The following DNAH12 variants were observed in gnomAD, a reference collection of about 807,000 sequenced individuals.
DNAH12 encodes the protein dynein axonemal heavy chain 12, also known as axonemal beta dynein heavy chain 12.
Under a neutral mutation model 371.5 loss-of-function variants are expected in DNAH12, and 285 were observed. The ratio of observed to expected loss-of-function variants is 0.77; its 90% CI spans 0.70 to 0.85. The LOEUF is 0.85. DNAH12 is among the 40% of genes least tolerant of loss of function. The pLI, the probability that DNAH12 is intolerant of heterozygous loss-of-function variation, is 0.00. For missense variants in DNAH12, 3,611 were observed against 3,689.4 expected (o/e 0.98, Z 0.55); for synonymous variants, 1,200 against 1,213.0 (o/e 0.99, Z 0.22).
chr3:57,526,032 G>A (rs1428456401), intron 2 of DNAH12, among the ~76,000 whole-genome samples: 2 of 151,896 alleles, frequency 1.3e-5, no homozygotes, highest in Non-Finnish European at 2.9e-5. Flanking sequence ...CAAAGTGCTG[G>A]GATTACAGGT....
In DNAH12 at chr3:57,450,346, T is replaced by C. The variant is rs557665690; in HGVS notation, c.3786+2497A>G. Among the ~76,000 whole-genome samples the C allele has an allele frequency of 2.7e-5, 4 of 149,784 alleles. No homozygotes were observed. In the East Asian group the frequency reaches 8.0e-4, roughly 30 times the overall value. Reference sequence around the variant, plus strand: ...GGCAGATCACCTGAGGTAGGGAGTTTGAGACCAGCCTACATAACATGGAGA... The same window carrying C: ...GGCAGATCACCTGAGGTAGGGAGTTCGAGACCAGCCTACATAACATGGAGA... On this transcript the variant is annotated intron_variant, in intron 25 of 73. Transcript: ENST00000495027.
In DNAH12 at chr3:57,301,844, C is replaced by G. The variant is rs866343301; in HGVS notation, c.11285G>C (p.Ser3762Thr). 1 of 1,551,610 alleles carries G rather than the reference C, an allele frequency of 6.4e-7. No individual in the cohort carries two copies. The highest frequency in any genetic ancestry group is 2.4e-5 in the East Asian group (1 of 40,912). ...MDSALEALSG[S>T]LLVGKVPEIW... ...TTCTGGAACCTTTCCAACAAGTAAG[C>G]TACCGGAGAGTGCCTCCAATGCAGA... Residue 3762 changes from serine to threonine, a missense_variant, in exon 70 of 74, where the codon AGC becomes ACC. Ser to Thr is a moderately conservative substitution (Grantham distance 58, BLOSUM62 1). Transcript: ENST00000495027.
At position 57,413,924 on chromosome 3, in the gene DNAH12, A is replaced by C; in HGVS notation, c.5854-12T>G. ...GCCATGATAATGTTCTAAAATATGA[A>C]GGAAGAATGGTATATTTACCTATAA... On this transcript the variant is annotated splice_polypyrimidine_tract_variant and intron_variant, in intron 38 of 73. Coordinates refer to ENST00000495027, the MANE Select transcript of DNAH12 (RefSeq NM_001366028.2). The C allele has an allele frequency of 6.5e-7, 1 of 1,547,718 alleles. No homozygotes were observed. The highest frequency in any genetic ancestry group is 2.0e-5 in the Admixed American group (1 of 50,446).
intron 11 of DNAH12, among the ~76,000 whole-genome samples, chr3:57,500,448 G>A (rs1295749213): frequency 6.6e-6 from 1 of 152,178 alleles, no homozygotes; most frequent in Non-Finnish European, 1.5e-5. Flanking sequence ...ATTTTCCCAT[G>A]TGGCTCCAAC....
intron 43 of DNAH12, among the ~76,000 whole-genome samples, chr3:57,401,237 T>C (rs917914275): frequency 0.011 from 1,629 of 151,964 alleles, 30 homozygotes; most frequent in African/African-American, 0.037. Context: ...GGGAAGTTTG[T>C]AGCTGTAAAT....
intron 50 of DNAH12, among the ~76,000 whole-genome samples, chr3:57,381,633 C>T (rs2063392811): frequency 6.6e-6 from 1 of 151,882 alleles, no homozygotes; most frequent in African/African-American, 2.4e-5. Flanking sequence ...ATGTTAAATA[C>T]CTTAACCAAG....
intron 12 of DNAH12, among the ~76,000 whole-genome samples, chr3:57,487,315 G>C (rs950896472): frequency 9.3e-6 from 1 of 107,970 alleles, no homozygotes; most frequent in African/African-American, 4.2e-5. Context: ...AAGGGAGAGA[G>C]AGAGAGAAAG....
At chr3:57,417,645 T>A (rs558780329) in intron 37 of DNAH12, among the ~76,000 whole-genome samples, 29 of 152,304 alleles carry the variant, frequency 1.9e-4, no homozygotes, top group Middle Eastern at 3.4e-3. Context: ...TGTGTCTTTG[T>A]CACCAGTAGA....
intron 73 of DNAH12, among the ~76,000 whole-genome samples, chr3:57,294,931 T>C (rs2061202102): frequency 1.3e-5 from 2 of 152,122 alleles, no homozygotes; most frequent in African/African-American, 2.4e-5. Context: ...TTTTAAGAAA[T>C]TGTTGTTATT....
At chr3:57,424,927 G>A in intron 35 of DNAH12, 95 bp downstream of exon 35, 1 of 586,334 alleles carries the variant, frequency 1.7e-6, no homozygotes, top group Non-Finnish European at 3.1e-6. Flanking sequence ...CCAAAAAATA[G>A]CTTTGGATCT....
chr3:57,449,479 G>A (rs1355885272), intron 25 of DNAH12, among the ~76,000 whole-genome samples: 2 of 152,192 alleles, frequency 1.3e-5, no homozygotes, highest in Non-Finnish European at 2.9e-5. Context: ...TGCAGGTCCC[G>A]AGCCATGCCC....
At chr3:57,315,200 G>A (rs1168555859) in intron 65 of DNAH12, among the ~76,000 whole-genome samples, 1 of 151,724 alleles carries the variant, frequency 6.6e-6, no homozygotes, top group Non-Finnish European at 1.5e-5. Context: ...AGTCTTTAAG[G>A]TCCCCCCCAA....
intron 62 of DNAH12, among the ~76,000 whole-genome samples, chr3:57,331,908 TC>T (rs1189824471): frequency 1.3e-5 from 2 of 152,084 alleles, no homozygotes; most frequent in Admixed American, 6.5e-5. Context: ...CCCTGCCATC[TC>T]CCAGGTGGTA....
chr3:57,329,149 T>G (rs78242709), intron 62 of DNAH12, among the ~76,000 whole-genome samples: 1 of 138,568 alleles, frequency 7.2e-6, no homozygotes, highest in Admixed American at 7.1e-5. Flanking sequence ...AGGTAATTTA[T>G]AGATTCAATG....
intron 30 of DNAH12, among the ~76,000 whole-genome samples, chr3:57,434,896 C>T (rs1018779780): frequency 6.6e-6 from 1 of 151,938 alleles, no homozygotes; most frequent in Non-Finnish European, 1.5e-5. Flanking sequence ...AGTTTGCAAG[C>T]AGGAATGAAA....
intron 62 of DNAH12, 113 bp downstream of exon 62, chr3:57,334,352 T>C (rs2062174521): frequency 8.5e-7 from 1 of 1,181,518 alleles, no homozygotes; most frequent in South Asian, 2.0e-5. Flanking sequence ...CAATGAACTG[T>C]AAGCTGGATA....
intron 57 of DNAH12, among the ~76,000 whole-genome samples, chr3:57,364,751 G>A (rs985668834): frequency 6.6e-6 from 1 of 152,054 alleles, no homozygotes; most frequent in African/African-American, 2.4e-5. Context: ...AATCTACAAA[G>A]AACTTAAACA....
intron 65 of DNAH12, among the ~76,000 whole-genome samples, chr3:57,318,802 G>T (rs948927944): frequency 2.6e-5 from 4 of 151,754 alleles, no homozygotes; most frequent in Admixed American, 2.0e-4. Flanking sequence ...TTGAAATCAG[G>T]AAGTAGCCTG....
At position 57,459,689 on chromosome 3, in the gene DNAH12, T is replaced by C. The variant is rs889319277; in HGVS notation, c.2834A>G (p.Glu945Gly). The C allele has an allele frequency of 2.6e-6, 4 of 1,549,728 alleles. No individual in the cohort carries two copies. Among genetic ancestry groups the C allele is most frequent in the Non-Finnish European group, 3.5e-6 (4 of 1,145,768 alleles). The change falls in exon 20 of 74, where the codon GAG (glutamate) becomes GGG (glycine). Residue 945 changes from glutamate to glycine, a missense_variant. This residue lies in a region of DNAH12 where 1,314 missense variants were observed against 1,398.7 expected (regional missense o/e 0.94). Transcript: ENST00000495027. ...TTCTGGCATCTGTTGCATGATATCCTCAGAACAAAAGATGGGCTCTAAGTA... is the reference window on the plus strand; with the variant it reads ...TTCTGGCATCTGTTGCATGATATCCCCAGAACAAAAGATGGGCTCTAAGTA... Reference protein sequence around the residue: ...WLYLEPIFCSEDIMQQMPEEG... With the variant: ...WLYLEPIFCSGDIMQQMPEEG...
Sources: allele counts gnomAD v4.1 joint callset (sites outside exome capture counted in the v4.1 genomes callset), GRCh38; gene constraint gnomAD v4.1.1; regional missense constraint gnomAD v4.1.1; transcripts MANE v1.5; gene names NCBI Gene and HGNC (gene_info 2026-07-23, HGNC 2026-07-21).